Variants in TTC39A observed in about 807,000 individuals in gnomAD.
TTC39A encodes the protein tetratricopeptide repeat protein 39A.
In TTC39A, 46 loss-of-function variants were observed where a neutral mutation model predicts 82.3. The ratio of observed to expected loss-of-function variants is 0.56; its 90% CI spans 0.44 to 0.71. The LOEUF is 0.71. TTC39A is among the 30% of genes least tolerant of loss of function. The probability of loss-of-function intolerance (pLI) is 0.00; values close to 1 mark genes in which losing one functional copy is unlikely to be tolerated. For missense variants in TTC39A, 543 were observed against 712.9 expected (o/e 0.76, Z 2.71); for synonymous variants, 254 against 275.2 (o/e 0.92, Z 0.76).
rs1374076178 is a variant in TTC39A at position 51,321,767 on chromosome 1, A to G, written c.100T>C (p.Phe34Leu). The G allele has an allele frequency of 1.2e-6, 2 of 1,613,982 alleles. No individual in the cohort carries two copies. Among genetic ancestry groups the G allele is most frequent in the Non-Finnish European group, 1.7e-6 (2 of 1,179,874 alleles). ...GCTTCTGAGAACTGGTTGGTGAGGAAGAGGTCCAGGGCGGTCATGCACTGG... is the reference window on the plus strand; with the variant it reads ...GCTTCTGAGAACTGGTTGGTGAGGAGGAGGTCCAGGGCGGTCATGCACTGG... ...LDQCMTALDL[F>L]LTNQFSEALS... is the part of the protein sequence containing the mutation. The change falls in exon 2 of 18, where the codon TTC becomes CTC. Residue 34 changes from phenylalanine (F) to leucine (L), a missense_variant. By Grantham distance (22) the Phe-to-Leu change is conservative. Coordinates refer to ENST00000680483, the MANE Select transcript of TTC39A (RefSeq NM_001297663.2). This position sits in a 1 kb window ranked among gnomAD's most constrained non-coding sequence, Gnocchi z 4.6.
intron 2 of TTC39A, among the ~76,000 whole-genome samples, chr1:51,315,929 C>T (rs1321406522): frequency 6.6e-6 from 1 of 152,112 alleles, no homozygotes; most frequent in Non-Finnish European, 1.5e-5. Context: ...TAAAAAGGGC[C>T]CATGTTTGGT....
intron 5 of TTC39A, among the ~76,000 whole-genome samples, chr1:51,309,743 C>T (rs911770821): frequency 6.6e-6 from 1 of 152,102 alleles, no homozygotes; most frequent in Non-Finnish European, 1.5e-5. Flanking sequence ...GTACACCCAA[C>T]GGAAACGGAT....
chr1:51,324,299 A>C (rs1301287746), intron 1 of TTC39A, among the ~76,000 whole-genome samples: 1 of 152,142 alleles, frequency 6.6e-6, no homozygotes, highest in Non-Finnish European at 1.5e-5. Context: ...GGGGAATGCT[A>C]AGTTCCAACT....
upstream of TTC39A, among the ~76,000 whole-genome samples, chr1:51,332,516 C>A (rs1465912566): frequency 6.6e-6 from 1 of 152,256 alleles, no homozygotes; most frequent in East Asian, 1.9e-4. Context: ...CTACCTTGGC[C>A]TCCCACAGTG....
At chr1:51,339,971 G>A (rs980123375) in intron 1 of TTC39A, among the ~76,000 whole-genome samples, 1 of 152,098 alleles carries the variant, frequency 6.6e-6, no homozygotes, top group African/African-American at 2.4e-5. Context: ...GGCCATGGGT[G>A]CAGAGCGGGA....
chr1:51,332,187 A>G (rs1645921141), upstream of TTC39A, among the ~76,000 whole-genome samples: 1 of 152,240 alleles, frequency 6.6e-6, no homozygotes, highest in African/African-American at 2.4e-5. Flanking sequence ...AAATTTACCA[A>G]TACAGGTTGA....
At chr1:51,289,956 T>C in intron 16 of TTC39A, 49 bp downstream of exon 16, 1 of 1,507,836 alleles carries the variant, frequency 6.6e-7, no homozygotes, top group Non-Finnish European at 9.1e-7. Flanking sequence ...CCCTGAATAT[T>C]CTACCCAGGA....
At chr1:51,332,537 C>T (rs750002318), upstream of TTC39A, among the ~76,000 whole-genome samples, 2 of 152,348 alleles carry the variant, frequency 1.3e-5, no homozygotes, top group South Asian at 4.1e-4. Flanking sequence ...GGATTACAGG[C>T]GTAAGCCACC....
intron 1 of TTC39A, chr1:51,343,196 T>C: frequency 2.6e-6 from 1 of 389,320 alleles, no homozygotes. Context: ...TCTGGGAACA[T>C]GGGGACAAAT....
rs1340801133 is a variant in TTC39A, at chr1:51,316,409, T to G, written c.147-3466A>C. On this transcript the variant is annotated intron_variant, in intron 2 of 17. Coordinates refer to ENST00000680483, the MANE Select transcript of TTC39A (RefSeq NM_001297663.2). ...CCTCCCTCCTCCAGCCTGTCCCCTC[T>G]TCCTGACTGCTTAGCCTAGTGTCCT... Among the ~76,000 whole-genome samples the G allele has an allele frequency of 2.6e-5, 4 of 152,170 alleles. No homozygotes were observed. The East Asian group carries it at 7.7e-4, about 29-fold the overall frequency.
At position 51,330,541 on chromosome 1, in the gene TTC39A, G is replaced by A. The variant is rs1467382701; in HGVS notation, c.-64C>T. 3.1e-6 allele frequency: 3 copies of A among 983,414 alleles called. No homozygotes were observed. Among genetic ancestry groups the A allele is most frequent in the Admixed American group, 6.3e-5 (1 of 15,906 alleles). 60.9% of individuals were successfully genotyped at this position (983,414 alleles called of 1,614,324 possible). ...CAATCGCGGCCCAGGTGCTGCCGCC[G>A]CAACCCCGAGCCGGGCGCTGTGCGG... On this transcript the variant is annotated 5_prime_UTR_variant, in exon 1 of 18. Transcript: ENST00000680483. This position sits in a 1 kb window ranked among gnomAD's most constrained non-coding sequence, Gnocchi z 4.5.
intron 1 of TTC39A, among the ~76,000 whole-genome samples, chr1:51,328,233 C>T (rs1645785837): frequency 2.0e-5 from 3 of 151,998 alleles, no homozygotes; most frequent in Admixed American, 2.0e-4. Context: ...ATCCAACAAC[C>T]CAGCAATTCC....
At chr1:51,308,309 A>C (rs1644950056) in intron 6 of TTC39A, among the ~76,000 whole-genome samples, 1 of 151,110 alleles carries the variant, frequency 6.6e-6, no homozygotes, top group Admixed American at 6.6e-5. Context: ...GCACGATATC[A>C]GCTCACTGCA....
chr1:51,318,062 C>T (rs1351127512), intron 2 of TTC39A, among the ~76,000 whole-genome samples: 2 of 152,188 alleles, frequency 1.3e-5, no homozygotes, highest in Non-Finnish European at 2.9e-5. Flanking sequence ...ATATTTTCTC[C>T]TGTGTTTCGA....
chr1:51,327,345 T>C (rs61782065), intron 1 of TTC39A, among the ~76,000 whole-genome samples: 6,100 of 152,302 alleles, frequency 0.04, 163 homozygotes, highest in Non-Finnish European at 0.057. Context: ...TGGGGATCTG[T>C]TGCTTTAGAA....
At chr1:51,330,663 G>A, upstream of TTC39A, 1 of 974,858 alleles carries the variant, frequency 1.0e-6, no homozygotes, top group Non-Finnish European at 1.2e-6. This position sits in a 1 kb window ranked among gnomAD's most constrained non-coding sequence, Gnocchi z 4.5. Flanking sequence ...GTAGGGCCAT[G>A]GCCGCCCGCG....
Position 51,321,573 on chromosome 1 carries a change from T to C in TTC39A, c.146+148A>G, listed in dbSNP as rs988655554. The C allele has an allele frequency of 1.2e-5, 8 of 684,322 alleles. No homozygotes were observed. The highest frequency in any genetic ancestry group is 2.0e-5 in the Non-Finnish European group (8 of 396,328). 42.4% of individuals were successfully genotyped at this position (684,322 alleles called of 1,614,324 possible). On this transcript the variant is annotated intron_variant, in intron 2 of 17. Transcript: ENST00000680483. This position sits in a 1 kb window ranked among gnomAD's most constrained non-coding sequence, Gnocchi z 4.6. ...CTGCACACAGGCCGTGGAATGGAGC[T>C]TGAGCCATTTTTATGGGACTTCTCA...
upstream of TTC39A, chr1:51,330,969 G>A (rs1452879639): frequency 6.1e-6 from 4 of 651,308 alleles, no homozygotes; most frequent in Non-Finnish European, 1.1e-5. The surrounding 1 kb of genome is among the most constrained non-coding windows in gnomAD (Gnocchi z 4.5). Context: ...GTCAGGCCTG[G>A]ATTTTAATCC....
chr1:51,323,311 C>T (rs1645596918), intron 1 of TTC39A, among the ~76,000 whole-genome samples: 1 of 150,456 alleles, frequency 6.6e-6, no homozygotes, highest in Non-Finnish European at 1.5e-5. Flanking sequence ...GATAGGGTCT[C>T]ATATGTTGCC....
Sources: gnomAD v4.1 joint callset for allele counts (sites outside exome capture counted in the v4.1 genomes callset) on GRCh38, gnomAD v4.1.1 for gene constraint, Gnocchi (gnomAD v3.1) non-coding constraint, MANE v1.5 for transcripts, NCBI Gene and HGNC (gene_info 2026-07-23, HGNC 2026-07-21) for gene names.